The following ALLC variants were observed in gnomAD, a reference collection of about 807,000 sequenced individuals.
ALLC encodes allantoicase.
In ALLC, 40 loss-of-function variants were observed where a neutral mutation model predicts 45.0. The ratio of observed to expected loss-of-function variants is 0.89; its 90% CI spans 0.69 to 1.16. ALLC has a LOEUF of 1.16. Ranked by LOEUF, ALLC falls within the 50% of genes most tolerant of loss-of-function variation. The pLI, the probability that ALLC is intolerant of heterozygous loss-of-function variation, is 0.00. For synonymous variants in ALLC, 176 were observed against 178.1 expected, an observed-to-expected ratio of 0.99 and a Z score of 0.09; for missense variants, 488 against 493.1, an observed-to-expected ratio of 0.99 and a Z score of 0.10.
Position 3,671,123 on chromosome 2 carries a change from G to A in ALLC, c.-35G>A, listed in dbSNP as rs375517332. ...AGCACGGCTGATGCTCCGAAGGAGG[G>A]AAGACTGACCCGGTTTCTGGACTTC... On this transcript the variant is annotated 5_prime_UTR_variant, in exon 2 of 12. Coordinates refer to ENST00000252505, the MANE Select transcript of ALLC (RefSeq NM_018436.4). 55 of 1,606,182 alleles carry A rather than the reference G, an allele frequency of 3.4e-5. No homozygotes were observed. Among genetic ancestry groups the A allele is most frequent in the African/African-American group, 5.3e-5 (4 of 74,824 alleles).
At chr2:3,673,218 G>A (rs1051893282) in intron 2 of ALLC, among the ~76,000 whole-genome samples, 14 of 152,376 alleles carry the variant, frequency 9.2e-5, no homozygotes, top group African/African-American at 2.9e-4. Flanking sequence ...TCAAGAACAC[G>A]CTGCGCGTTT....
In ALLC at chr2:3,695,525, G is replaced by A; in HGVS notation, c.512-192G>A. 1.2e-5 allele frequency: 7 copies of A among 588,914 alleles called. No homozygotes were observed. In the South Asian group the frequency reaches 1.3e-4, roughly 11 times the overall value. 36.5% of individuals were successfully genotyped at this position (588,914 alleles called of 1,614,324 possible). On this transcript the variant is annotated intron_variant, in intron 7 of 11. Coordinates refer to ENST00000252505, the MANE Select transcript of ALLC (RefSeq NM_018436.4). ...AGTAATCTTTTGGAGAGCTGGGAAA[G>A]TTGTTCTGGTACAGGGTAATATCAA... is the stretch of plus-strand genomic sequence containing the variant.
intron 10 of ALLC, among the ~76,000 whole-genome samples, chr2:3,699,148 G>A (rs147730893): frequency 1.6e-4 from 24 of 152,226 alleles, no homozygotes; most frequent in African/African-American, 5.3e-4. Flanking sequence ...TATGGTACCC[G>A]ATAAGTATTT....
At chr2:3,652,001 AACCAAGAACC>A in the ALLC span, among the ~76,000 whole-genome samples, 1 of 152,272 alleles carries the variant, frequency 6.6e-6, no homozygotes, top group Non-Finnish European at 1.5e-5. Flanking sequence ...AGCAGTTCGG[AACCAAGAACC>A]ACACGTTTCT....
chr2:3,684,298 T>C (rs1215391999), intron 7 of ALLC, among the ~76,000 whole-genome samples: 1 of 152,216 alleles, frequency 6.6e-6, no homozygotes, highest in East Asian at 1.9e-4. Flanking sequence ...TGTGAGGTGG[T>C]GTCTCATTGT....
chr2:3,672,557 G>A (rs1364201694), intron 2 of ALLC, among the ~76,000 whole-genome samples: 18 of 96,200 alleles, frequency 1.9e-4, no homozygotes, highest in African/African-American at 8.7e-4. Context: ...CTCTGGTTCT[G>A]GTTAGATGGG....
In ALLC at chr2:3,701,518, C is replaced by G. The variant is rs1373844086; in HGVS notation, c.857C>G (p.Ala286Gly). ...EIDTKYFEGN[A>G]PDSCKVDGCI... Reference sequence around the variant, plus strand: ...CTGTGTTTTGCTCCAACAGGCAATGCTCCTGACAGCTGTAAAGTGGATGGG... The same window carrying G: ...CTGTGTTTTGCTCCAACAGGCAATGGTCCTGACAGCTGTAAAGTGGATGGG... The change falls in exon 11 of 12, where the codon GCT (alanine) becomes GGT (glycine). Residue 286 changes from alanine (A) to glycine (G), a missense_variant. By Grantham distance (60) the Ala-to-Gly change is moderately conservative (BLOSUM62 0). Transcript: ENST00000252505. The G allele has an allele frequency of 6.3e-7, 1 of 1,592,654 alleles. No individual in the cohort carries two copies. The highest frequency in any genetic ancestry group is 1.7e-5 in the Admixed American group (1 of 57,324).
chr2:3,693,648 G>A (rs1667579245), intron 7 of ALLC, among the ~76,000 whole-genome samples: 1 of 152,214 alleles, frequency 6.6e-6, no homozygotes, highest in Admixed American at 6.5e-5. Flanking sequence ...GGGAACACAG[G>A]AGAAGCTCCA....
chr2:3,691,820 C>T (rs1572529055), intron 7 of ALLC, among the ~76,000 whole-genome samples: 1 of 151,704 alleles, frequency 6.6e-6, no homozygotes, highest in South Asian at 2.1e-4. Flanking sequence ...TTTTTTTCTC[C>T]TCTGTGTATT....
upstream of ALLC, among the ~76,000 whole-genome samples, chr2:3,656,633 TGGCC>T (rs1340723488): frequency 6.6e-6 from 1 of 152,238 alleles, no homozygotes; most frequent in African/African-American, 2.4e-5. Context: ...CCTCTGGCCA[TGGCC>T]CAGCAGCCCC....
chr2:3,698,793 G>C lies in ALLC; in HGVS notation c.850+1337G>C, dbSNP rs538264224. ...TTATTTAATTATACTTTAAGTTTTA[G>C]GGTACATGTGTACAACGTGCGGGTT... On this transcript the variant is annotated intron_variant, in intron 10 of 11. Coordinates refer to ENST00000252505, the MANE Select transcript of ALLC (RefSeq NM_018436.4). Among the ~76,000 whole-genome samples, 3 of 151,714 alleles carry C rather than the reference G, an allele frequency of 2.0e-5. No individual in the cohort carries two copies. The East Asian group carries it at 5.9e-4, about 30-fold the overall frequency.
intron 1 of ALLC, among the ~76,000 whole-genome samples, chr2:3,667,154 C>T: frequency 6.6e-6 from 1 of 152,196 alleles, no homozygotes; most frequent in East Asian, 1.9e-4. Context: ...CCTATACCAC[C>T]CAGCCTGGCA....
chr2:3,702,151 A>G (rs72769395), intron 11 of ALLC, among the ~76,000 whole-genome samples: 1 of 152,124 alleles, frequency 6.6e-6, no homozygotes, highest in Non-Finnish European at 1.5e-5. Context: ...TTGCCCATCA[A>G]TTGTTTATTG....
chr2:3,656,074 C>G (rs1666432409), upstream of ALLC, among the ~76,000 whole-genome samples: 1 of 152,234 alleles, frequency 6.6e-6, no homozygotes, highest in African/African-American at 2.4e-5. Context: ...ACATCAGGTC[C>G]CCACCTAGTG....
chr2:3,667,176 A>AGGGAG (rs1415644267), intron 1 of ALLC, among the ~76,000 whole-genome samples: 1 of 152,022 alleles, frequency 6.6e-6, no homozygotes. Context: ...CCACCCCTAA[A>AGGGAG]GGGAGGTTCC....
At chr2:3,673,757 A>G (rs987464532) in intron 2 of ALLC, among the ~76,000 whole-genome samples, 18 of 152,230 alleles carry the variant, frequency 1.2e-4, no homozygotes, top group Non-Finnish European at 2.2e-4. Context: ...TCGGTTTGTA[A>G]AAGTAGCACG....
intron 7 of ALLC, among the ~76,000 whole-genome samples, chr2:3,684,093 G>C (rs1667266246): frequency 6.6e-6 from 1 of 152,116 alleles, no homozygotes; most frequent in African/African-American, 2.4e-5. Flanking sequence ...GCTTTCTTTT[G>C]TTGAGTGTAT....
intron 3 of ALLC, among the ~76,000 whole-genome samples, chr2:3,676,798 T>C (rs200614519): frequency 5.0e-5 from 7 of 139,288 alleles, no homozygotes; most frequent in Non-Finnish European, 8.0e-5. Flanking sequence ...CTCTCTCTCT[T>C]TTTTTTTGAG....
the ALLC span, among the ~76,000 whole-genome samples, chr2:3,647,979 G>C: frequency 6.6e-6 from 1 of 152,200 alleles, no homozygotes; most frequent in Admixed American, 6.5e-5. Flanking sequence ...GTCTGGGCCT[G>C]TGAGTTACAG....
Sources: gnomAD v4.1 joint callset for allele counts (sites outside exome capture counted in the v4.1 genomes callset) on GRCh38, gnomAD v4.1.1 for gene constraint, MANE v1.5 for transcripts, NCBI Gene and HGNC (gene_info 2026-07-23, HGNC 2026-07-21) for gene names.